Variants in SLC38A1 observed in about 807,000 individuals in gnomAD.
The protein encoded by SLC38A1 is solute carrier family 38 member 1, also known as sodium-coupled neutral amino acid symporter 1.
SLC38A1 carries 18 observed loss-of-function variants against 60.3 expected under a neutral mutation model. The ratio of observed to expected loss-of-function variants is 0.30; its 90% CI spans 0.21 to 0.44. SLC38A1 has a LOEUF of 0.44. Among genes scored for constraint, SLC38A1 ranks in the 20% least tolerant of loss-of-function variants. SLC38A1 has a pLI of 1.00. For missense variants in SLC38A1, 448 were observed against 587.2 expected (o/e 0.76, Z 2.45); for synonymous variants, 196 against 212.1 (o/e 0.92, Z 0.66).
intron 3 of SLC38A1, among the ~76,000 whole-genome samples, chr12:46,231,760 C>T (rs548806836): frequency 6.6e-6 from 1 of 152,270 alleles, no homozygotes; most frequent in South Asian, 2.1e-4. Context: ...GTGCCTCAGC[C>T]TCCCAAGTAG....
rs796309759 is a variant in SLC38A1, at chr12:46,186,973, T to A, written c.*1997A>T. ...AAGAACTGACTGGATCTTGGCTTGT[T>A]CTGTTTCTGTCATTGCTAATATAAT... On this transcript the variant is annotated 3_prime_UTR_variant, in exon 17 of 17. Coordinates refer to ENST00000398637, the MANE Select transcript of SLC38A1 (RefSeq NM_030674.4). The A allele has an allele frequency of 3.1e-4, 47 of 152,346 alleles. No individual in the cohort carries two copies. Among genetic ancestry groups the A allele is most frequent in the African/African-American group, 1.1e-3 (46 of 41,580 alleles). 9.4% of individuals were successfully genotyped at this position (152,346 alleles called of 1,614,324 possible).
intron 3 of SLC38A1, among the ~76,000 whole-genome samples, chr12:46,230,271 CG>C (rs1306850456): frequency 1.3e-5 from 2 of 152,034 alleles, no homozygotes; most frequent in Non-Finnish European, 2.9e-5. Context: ...TGGGGAGACA[CG>C]GGGGTAGGTA....
At chr12:46,228,132 C>T (rs1002342385) in intron 5 of SLC38A1, among the ~76,000 whole-genome samples, 6 of 152,150 alleles carry the variant, frequency 3.9e-5, no homozygotes, top group African/African-American at 9.7e-5. Flanking sequence ...GACAATGTAT[C>T]GAATTCACCA....
chr12:46,240,577 T>C (rs899304137), intron 2 of SLC38A1, among the ~76,000 whole-genome samples: 2 of 152,196 alleles, frequency 1.3e-5, no homozygotes, highest in African/African-American at 4.8e-5. Context: ...TGGTACAGAC[T>C]GCACAGACAC....
At chr12:46,225,620 C>A (rs183654790) in intron 5 of SLC38A1, among the ~76,000 whole-genome samples, 55 of 152,224 alleles carry the variant, frequency 3.6e-4, no homozygotes, top group African/African-American at 1.3e-3. Context: ...GACAAATGAC[C>A]CTGGTGGTTC....
chr12:46,224,301 G>T (rs920115136), intron 5 of SLC38A1, among the ~76,000 whole-genome samples: 1 of 152,134 alleles, frequency 6.6e-6, no homozygotes, highest in African/African-American at 2.4e-5. Context: ...AATCGAGAGT[G>T]CCCACCAGCA....
intron 3 of SLC38A1, among the ~76,000 whole-genome samples, chr12:46,238,590 G>A (rs149236716): frequency 8.2e-4 from 125 of 152,240 alleles, no homozygotes; most frequent in African/African-American, 2.8e-3. Flanking sequence ...AGGCTGTGCC[G>A]CTAACTCCCA....
chr12:46,211,050 T>C (rs1298015342), intron 5 of SLC38A1, among the ~76,000 whole-genome samples: 6 of 152,132 alleles, frequency 3.9e-5, no homozygotes, highest in African/African-American at 1.4e-4. Context: ...TGGGACCTAA[T>C]TGTGGCATGA....
chr12:46,203,518 C>CG (rs1005757435), intron 11 of SLC38A1, among the ~76,000 whole-genome samples: 5 of 152,208 alleles, frequency 3.3e-5, no homozygotes, highest in African/African-American at 1.2e-4. Context: ...TACTGCTCTT[C>CG]GCTCTACATC....
intron 7 of SLC38A1, 47 bp from the exon 8 acceptor site, chr12:46,207,283 T>C: frequency 6.7e-7 from 1 of 1,495,966 alleles, no homozygotes; most frequent in Non-Finnish European, 9.2e-7. Flanking sequence ...CGAAGGCTTA[T>C]GTTGCAAGCT....
chr12:46,196,741 G>A (rs1939397170), intron 16 of SLC38A1, among the ~76,000 whole-genome samples: 1 of 152,128 alleles, frequency 6.6e-6, no homozygotes, highest in African/African-American at 2.4e-5. Context: ...TGGGAGGGCA[G>A]CTGAGAAGCC....
chr12:46,237,113 G>A (rs184491826), intron 3 of SLC38A1, among the ~76,000 whole-genome samples: 4 of 152,280 alleles, frequency 2.6e-5, no homozygotes, highest in Non-Finnish European at 1.5e-5. Context: ...GTTTCCAGGC[G>A]GAGCTATCAG....
At chr12:46,240,612 C>T (rs561344156) in intron 2 of SLC38A1, among the ~76,000 whole-genome samples, 17 of 152,294 alleles carry the variant, frequency 1.1e-4, no homozygotes, top group Admixed American at 5.2e-4. Flanking sequence ...TTTAGCAATC[C>T]CAGCTTAAAG....
chr12:46,260,362 C>T (rs774968944), intron 1 of SLC38A1, among the ~76,000 whole-genome samples: 1 of 152,164 alleles, frequency 6.6e-6, no homozygotes, highest in Non-Finnish European at 1.5e-5. Context: ...TCAGATCTTT[C>T]TTCCCAGTCT....
chr12:46,242,235 A>T (rs1941470883), intron 2 of SLC38A1, among the ~76,000 whole-genome samples: 1 of 152,182 alleles, frequency 6.6e-6, no homozygotes, highest in Non-Finnish European at 1.5e-5. Context: ...CCTCTCTGAA[A>T]CCTAACTTGT....
chr12:46,203,165 C>T, intron 11 of SLC38A1, 76 bp from the exon 12 acceptor site: 1 of 1,238,956 alleles, frequency 8.1e-7, no homozygotes, highest in Non-Finnish European at 1.2e-6. Context: ...TATTTCTGAG[C>T]TGTCTTTTTA....
chr12:46,240,071 C>T (rs569533724), intron 2 of SLC38A1, among the ~76,000 whole-genome samples, 178 bp from the exon 3 acceptor site: 330 of 151,754 alleles, frequency 2.2e-3, no homozygotes, highest in Non-Finnish European at 3.5e-3. Flanking sequence ...AATTTTATGC[C>T]TTTTATAGAT....
chr12:46,220,591 A>T (rs1940619974), intron 5 of SLC38A1, among the ~76,000 whole-genome samples: 1 of 152,220 alleles, frequency 6.6e-6, no homozygotes. Flanking sequence ...TGCACAGAGG[A>T]GATGACTTAC....
chr12:46,217,799 A>G (rs1565769267), intron 5 of SLC38A1, among the ~76,000 whole-genome samples: 1 of 152,188 alleles, frequency 6.6e-6, no homozygotes, highest in African/African-American at 2.4e-5. Flanking sequence ...TAGATTAGGG[A>G]ATTAAACGGG....
Sources: allele counts gnomAD v4.1 joint callset (sites outside exome capture counted in the v4.1 genomes callset), GRCh38; gene constraint gnomAD v4.1.1; transcripts MANE v1.5; gene names NCBI Gene and HGNC (gene_info 2026-07-23, HGNC 2026-07-21).